The following NBN variants were observed in gnomAD, a reference collection of about 807,000 sequenced individuals.
NBN encodes Nijmegen breakage syndrome 1 (nibrin).
In NBN, 88 loss-of-function variants were observed where a neutral mutation model predicts 90.8. The ratio of observed to expected loss-of-function variants is 0.97; its 90% confidence interval spans 0.82 to 1.16. The LOEUF is 1.16. Ranked by LOEUF, NBN falls within the 50% of genes most tolerant of loss-of-function variation. The pLI is 0.00. For synonymous variants in NBN, 328 were observed against 295.1 expected, an observed-to-expected ratio of 1.11 and a Z score of -1.14; for missense variants, 894 against 869.6, an observed-to-expected ratio of 1.03 and a Z score of -0.35.
In NBN at chr8:89,943,364, G is replaced by A. The variant is rs876658178; in HGVS notation, c.2073C>T (p.Val691=). The A allele has an allele frequency of 8.1e-6, 13 of 1,600,468 alleles. No individual in the cohort carries two copies. Among genetic ancestry groups the A allele is most frequent in the South Asian group, 1.1e-5 (1 of 90,812 alleles). The part of the protein sequence containing the change: ...QLKNFKKFKK[V]TYPGAGKLPH... ...GAAGTTTTCCTGCTCCAGGATATGT[G>A]ACCTATTGAATAATAAAAGTAGTAC... The change falls in exon 14 of 16, where the codon GTC becomes GTT. Residue 691 remains valine, a splice_region_variant and synonymous_variant. Coordinates refer to ENST00000265433, the MANE Select transcript of NBN (RefSeq NM_002485.5).
In NBN at chr8:89,982,801, C is replaced by G. The variant is rs1377520302; in HGVS notation, c.92G>C (p.Cys31Ser). Residue 31 changes from cysteine (C) to serine (S), a missense_variant, in exon 2 of 16, where the codon TGT becomes TCT. By Grantham distance (112) the Cys-to-Ser change is moderately radical. Coordinates refer to ENST00000265433, the MANE Select transcript of NBN (RefSeq NM_002485.5). ...GVEYVVGRKN[C>S]AILIENDQSI... is the part of the protein sequence containing the mutation. Reference sequence around the variant, plus strand: ...CTGATCATTTTCAATCAGAATGGCACAGTTTTTCCTTCCAACAACGTACTC... The same window carrying G: ...CTGATCATTTTCAATCAGAATGGCAGAGTTTTTCCTTCCAACAACGTACTC... 1.2e-6 allele frequency: 2 copies of G among 1,613,552 alleles called. No homozygotes were observed. Among genetic ancestry groups the G allele is most frequent in the African/African-American group, 2.7e-5 (2 of 74,896 alleles).
Position 89,984,567 on chromosome 8 carries a change from C to A in NBN, c.-6G>T, listed in dbSNP as rs768821741. ...GCGGGCAGCAGTTTCCACATCGGTC[C>A]GGCTCCTCAGGGCTGGGGCCGACGT... On this transcript the variant is annotated 5_prime_UTR_variant, in exon 1 of 16. Coordinates refer to ENST00000265433, the MANE Select transcript of NBN (RefSeq NM_002485.5). The A allele has an allele frequency of 6.2e-7, 1 of 1,613,016 alleles. No homozygotes were observed. The highest frequency in any genetic ancestry group is 1.1e-5 in the South Asian group (1 of 91,042).
Position 89,960,531 on chromosome 8 carries a change from A to G in NBN, c.995-1677T>C, listed in dbSNP as rs575156874. Among the ~76,000 whole-genome samples the G allele has an allele frequency of 9.3e-4, 142 of 152,230 alleles. 1 individual carries two copies. Among genetic ancestry groups the G allele is most frequent in the African/African-American group, 3.3e-3 (137 of 41,546 alleles). ...GCTGGGCATGGTGGTGCACACCTAT[A>G]GTCCCAGCTACTCAGGAGGGTGAGG... On this transcript the variant is annotated intron_variant, in intron 8 of 15. Coordinates refer to ENST00000265433, the MANE Select transcript of NBN (RefSeq NM_002485.5).
intron 7 of NBN, 24 bp from the exon 8 acceptor site, chr8:89,964,531 T>C: frequency 2.6e-6 from 4 of 1,562,060 alleles, no homozygotes; most frequent in Admixed American, 1.7e-5. Flanking sequence ...ATAGTTTAAG[T>C]ATGATAATAT....
intron 5 of NBN, among the ~76,000 whole-genome samples, chr8:89,976,839 A>G (rs1805832): frequency 0.013 from 1,969 of 152,292 alleles, 16 homozygotes; most frequent in Non-Finnish European, 0.023. Flanking sequence ...CAAATATATC[A>G]CATTACCTGC....
intron 1 of NBN, 172 bp downstream of exon 1, chr8:89,984,353 G>A (rs1812226734): frequency 4.4e-6 from 3 of 686,480 alleles, no homozygotes; most frequent in Non-Finnish European, 7.7e-6. Flanking sequence ...CACAGCCGCC[G>A]TGCTGCCCGG....
intron 13 of NBN, among the ~76,000 whole-genome samples, chr8:89,945,727 T>C (rs975390792): frequency 2.0e-5 from 3 of 152,188 alleles, no homozygotes; most frequent in Non-Finnish European, 2.9e-5. Context: ...TTGTGTTTTA[T>C]ATGTAAATAT....
At chr8:89,962,070 A>C (rs1811015461) in intron 8 of NBN, among the ~76,000 whole-genome samples, 1 of 152,312 alleles carries the variant, frequency 6.6e-6, no homozygotes, top group African/African-American at 2.4e-5. Flanking sequence ...ATATAAAAGA[A>C]GACTCCTCTC....
rs1237334229 is a variant in NBN at position 89,935,198 on chromosome 8, C to CA, written c.*383dup. The CA allele has an allele frequency of 7.4e-6, 2 of 270,556 alleles. No individual in the cohort carries two copies. The highest frequency in any genetic ancestry group is 1.4e-5 in the Non-Finnish European group (2 of 140,464). 16.8% of individuals were successfully genotyped at this position (270,556 alleles called of 1,614,324 possible). A position where few individuals can be genotyped will look rare whatever the true frequency, so the allele number is the denominator to read the frequency against. On this transcript the variant is annotated 3_prime_UTR_variant, in exon 16 of 16. Transcript: ENST00000265433. Reference sequence around the variant, plus strand: ...TAAAAATAGGAATTTGAATAGGACTCAAAAATCCCTGGAAAGATTCATAAG... The same window carrying CA: ...TAAAAATAGGAATTTGAATAGGACTCAAAAAATCCCTGGAAAGATTCATAAG...
chr8:89,944,525 C>T (rs1301386856), intron 13 of NBN, among the ~76,000 whole-genome samples: 2 of 152,128 alleles, frequency 1.3e-5, no homozygotes, highest in African/African-American at 4.8e-5. Flanking sequence ...TTCTTCCTTT[C>T]TAATAAACTT....
rs182756889 is a variant in NBN, at chr8:89,978,299, G to A, written c.505C>T (p.Arg169Cys). 97 of 1,589,330 alleles carry A rather than the reference G, an allele frequency of 6.1e-5. No homozygotes were observed. In the East Asian group the frequency reaches 9.6e-4, roughly 16 times the overall value. Reference protein sequence around the residue: ...IKTICALICGRPIVKPEYFTE... With the variant: ...IKTICALICGCPIVKPEYFTE... ...AAATATTCTGGCTTTACAATTGGAC[G>A]TCCACAAATGAGTGCACATATTGTC... The change falls in exon 5 of 16, where the codon CGT (arginine) becomes TGT (cysteine). Residue 169 changes from arginine to cysteine, a missense_variant. Coordinates refer to ENST00000265433, the MANE Select transcript of NBN (RefSeq NM_002485.5).
At chr8:89,975,643 C>T (rs1210379346) in intron 5 of NBN, among the ~76,000 whole-genome samples, 1 of 152,134 alleles carries the variant, frequency 6.6e-6, no homozygotes, top group Non-Finnish European at 1.5e-5. Context: ...GTATAGTCGT[C>T]ATGTACATTG....
chr8:89,943,606 T>C (rs1478337115), intron 13 of NBN, among the ~76,000 whole-genome samples: 2 of 152,166 alleles, frequency 1.3e-5, no homozygotes, highest in African/African-American at 2.4e-5. Flanking sequence ...AAAAATAATT[T>C]AACACTTTTC....
At chr8:89,984,178 G>A (rs1406479496) in intron 1 of NBN, 3 of 431,120 alleles carry the variant, frequency 7.0e-6, no homozygotes, top group Non-Finnish European at 8.5e-6. Flanking sequence ...TCCTGCCGGG[G>A]GTTCCCACTA....
Position 89,964,456 on chromosome 8 carries a change from G to C in NBN, c.948C>G (p.Phe316Leu), listed in dbSNP as rs1429467104. The change falls in exon 8 of 16, where the codon TTC becomes TTG. Residue 316 changes from phenylalanine (F) to leucine (L), a missense_variant. By Grantham distance (22) the Phe-to-Leu change is conservative. Transcript: ENST00000265433. The part of the protein sequence containing the change: ...PEAEIGLAVI[F>L]MTTKNYCDPQ... ...GATCACAGTAATTCTTTGTAGTCAT[G>C]AAAATCACCGCCAATCCAATTTCTG... 2 of 1,613,334 alleles carry C rather than the reference G, an allele frequency of 1.2e-6. No individual in the cohort carries two copies. Among genetic ancestry groups the C allele is most frequent in the East Asian group, 2.2e-5 (1 of 44,830 alleles).
chr8:89,971,092 TAAC>T lies in NBN; in HGVS notation c.702+78_702+80del. ...CACAAAATCCCAAAATGAAATACGT[TAAC>T]AACTACTGATAAGAGTTAATAATGT... On this transcript the variant is annotated intron_variant, in intron 6 of 15. Coordinates refer to ENST00000265433, the MANE Select transcript of NBN (RefSeq NM_002485.5). 14 of 1,452,494 alleles carry T rather than the reference TAAC, an allele frequency of 9.6e-6. No homozygotes were observed. In the South Asian group the frequency reaches 1.4e-4, roughly 15 times the overall value. The allele number at this position is 1,452,494 out of a possible 1,614,324, so 90.0% of individuals were successfully genotyped here.
rs6413507 is a variant in NBN, at chr8:89,982,960, TTAAA to T, written c.38-109_38-106del. The T allele has an allele frequency of 2.2e-3, 2,705 of 1,210,736 alleles. 48 individuals carry two copies. The African/African-American group carries it at 0.038, about 17-fold the overall frequency. 75.0% of individuals were successfully genotyped at this position (1,210,736 alleles called of 1,614,324 possible). On this transcript the variant is annotated intron_variant, in intron 1 of 15. Coordinates refer to ENST00000265433, the MANE Select transcript of NBN (RefSeq NM_002485.5). ...GTATATGATATAGGTATGACAAATA[TTAAA>T]TAAAACACCTTTGTTATTCAAATGT...
chr8:89,942,514 C>T (rs1454321624), intron 14 of NBN, among the ~76,000 whole-genome samples: 1 of 151,972 alleles, frequency 6.6e-6, no homozygotes, highest in Non-Finnish European at 1.5e-5. Flanking sequence ...TACATAAGAG[C>T]AGAAAACAGA....
intron 4 of NBN, among the ~76,000 whole-genome samples, chr8:89,980,117 TACAG>T (rs1811986579): frequency 1.3e-5 from 2 of 152,332 alleles, no homozygotes; most frequent in South Asian, 4.1e-4. Flanking sequence ...AACCCTTGAT[TACAG>T]ACAACCCCAC....
Sources: gnomAD v4.1 joint callset for allele counts (sites outside exome capture counted in the v4.1 genomes callset) on GRCh38, gnomAD v4.1.1 for gene constraint, MANE v1.5 for transcripts, NCBI Gene and HGNC (gene_info 2026-07-23, HGNC 2026-07-21) for gene names.